Variants in ST13 observed in about 807,000 individuals in gnomAD.
ST13 encodes ST13 Hsp70 interacting protein.
ST13 carries 23 observed loss-of-function variants against 56.7 expected under a neutral mutation model. The ratio of observed to expected loss-of-function variants is 0.41; its 90% CI spans 0.29 to 0.57. The LOEUF is 0.57. Among genes scored for constraint, ST13 ranks in the 20% least tolerant of loss-of-function variants. The pLI is 0.36. For synonymous variants in ST13, 132 were observed against 142.4 expected, an observed-to-expected ratio of 0.93 and a Z score of 0.52; for missense variants, 369 against 459.9, an observed-to-expected ratio of 0.80 and a Z score of 1.81.
At chr22:40,832,144 G>A (rs768135989) in intron 8 of ST13, 8 of 469,282 alleles carry the variant, frequency 1.7e-5, no homozygotes, top group East Asian at 6.9e-5. Flanking sequence ...ATGAGCCACC[G>A]CGCCTGGCCG....
At chr22:40,832,214 C>T (rs1338256587) in intron 8 of ST13, 4 of 473,790 alleles carry the variant, frequency 8.4e-6, no homozygotes, top group Admixed American at 7.0e-5. Context: ...TGGTTGTACA[C>T]ACCTATGATA....
intron 5 of ST13, among the ~76,000 whole-genome samples, chr22:40,837,627 C>T (rs1362251466): frequency 6.6e-6 from 1 of 151,956 alleles, no homozygotes; most frequent in African/African-American, 2.4e-5. Context: ...GTCTGGGCAA[C>T]AAGACTGAAA....
At chr22:40,840,533 G>T in intron 5 of ST13, 93 bp downstream of exon 5, 1 of 1,095,612 alleles carries the variant, frequency 9.1e-7, no homozygotes, top group East Asian at 2.4e-5. Context: ...GTATAGGACA[G>T]GTACATGTAA....
At chr22:40,852,112 T>A (rs1379616096) in intron 1 of ST13, among the ~76,000 whole-genome samples, 2 of 152,230 alleles carry the variant, frequency 1.3e-5, no homozygotes, top group Admixed American at 1.3e-4. Flanking sequence ...TTTGTGGTCA[T>A]AAGGGTATGT....
At chr22:40,833,623 C>A (rs1351176726) in intron 7 of ST13, among the ~76,000 whole-genome samples, 1 of 151,544 alleles carries the variant, frequency 6.6e-6, no homozygotes, top group African/African-American at 2.4e-5. Context: ...TGCCTATTAT[C>A]CTAGCACTTT....
intron 3 of ST13, among the ~76,000 whole-genome samples, chr22:40,847,572 A>G (rs2057838783): frequency 1.3e-5 from 2 of 151,670 alleles, no homozygotes; most frequent in South Asian, 2.1e-4. Context: ...AAAAAAAAAA[A>G]AGAAAACTTT....
At chr22:40,831,199 A>T (rs1200332636) in intron 8 of ST13, among the ~76,000 whole-genome samples, 1 of 152,240 alleles carries the variant, frequency 6.6e-6, no homozygotes. Context: ...ATCTCAAACA[A>T]TTAAGCTCAA....
chr22:40,840,621 C>T lies in ST13; in HGVS notation c.382+5G>A, dbSNP rs891937283. On this transcript the variant is annotated splice_donor_5th_base_variant and intron_variant, in intron 5 of 11. Transcript: ENST00000216218. Reference sequence around the variant, plus strand: ...CCATAGAAATGTAGCAAAAAGATTACTCACCATCATTTAGGGCTTCAATAG... The same window carrying T: ...CCATAGAAATGTAGCAAAAAGATTATTCACCATCATTTAGGGCTTCAATAG... The T allele has an allele frequency of 8.1e-6, 13 of 1,607,974 alleles. No homozygotes were observed. Among genetic ancestry groups the T allele is most frequent in the Non-Finnish European group, 1.1e-5 (13 of 1,178,114 alleles).
chr22:40,835,738 ACT>A, intron 6 of ST13, 63 bp downstream of exon 6: 2 of 1,594,838 alleles, frequency 1.3e-6, no homozygotes, highest in South Asian at 1.1e-5. Context: ...CACAGAAGCA[ACT>A]CTATTTAAAC....
At chr22:40,827,443 C>G (rs1407816123) in intron 10 of ST13, among the ~76,000 whole-genome samples, 1 of 152,130 alleles carries the variant, frequency 6.6e-6, no homozygotes, top group East Asian at 1.9e-4. Flanking sequence ...TTTGCTACCT[C>G]CTGGATTAAC....
At chr22:40,844,344 C>T (rs2057820348) in intron 4 of ST13, among the ~76,000 whole-genome samples, 1 of 152,068 alleles carries the variant, frequency 6.6e-6, no homozygotes, top group African/African-American at 2.4e-5. Flanking sequence ...ACTAAGGAGC[C>T]TTTTTAGACA....
At position 40,826,492 on chromosome 22, in the gene ST13, C is replaced by T. The variant is rs776086414; in HGVS notation, c.*46G>A. ...ATTATTGCGACATCCATAAGGTGAT[C>T]TAGGTTGCTTTTCCTTCAGCAAGGG... On this transcript the variant is annotated 3_prime_UTR_variant, in exon 12 of 12. Transcript: ENST00000216218. The T allele has an allele frequency of 1.9e-6, 3 of 1,589,664 alleles. No homozygotes were observed. The highest frequency in any genetic ancestry group is 1.7e-6 in the Non-Finnish European group (2 of 1,174,808).
intron 1 of ST13, among the ~76,000 whole-genome samples, chr22:40,854,229 A>C (rs1008963037): frequency 2.0e-5 from 3 of 152,200 alleles, no homozygotes; most frequent in African/African-American, 7.2e-5. Context: ...ACAATCTCGA[A>C]CTGCAGACTG....
Position 40,844,830 on chromosome 22 carries a change from C to G in ST13, c.315+9G>C, listed in dbSNP as rs199795753. 1.9e-6 allele frequency: 3 copies of G among 1,610,856 alleles called. No individual in the cohort carries two copies. Among genetic ancestry groups the G allele is most frequent in the Admixed American group, 1.7e-5 (1 of 59,928 alleles). On this transcript the variant is annotated intron_variant, in intron 4 of 11. Transcript: ENST00000216218. ...TAGAACAAGCAGGAAATCAAGTCAC[C>G]GAACTTACCTCCGCATTTTCATCTC...
Position 40,826,322 on chromosome 22 carries a change from C to T in ST13, c.*216G>A. 1 of 372,148 alleles carries T rather than the reference C, an allele frequency of 2.7e-6. No homozygotes were observed. The highest frequency in any genetic ancestry group is 4.8e-6 in the Non-Finnish European group (1 of 208,802). The allele number at this position is 372,148 out of a possible 1,614,324, so 23.1% of individuals were successfully genotyped here. ...TAAAAAGTGTTTAAAGTTTGTAATTCCTAGTAGGAAAACATTATCTGAATG... is the reference window on the plus strand; with the variant it reads ...TAAAAAGTGTTTAAAGTTTGTAATTTCTAGTAGGAAAACATTATCTGAATG... On this transcript the variant is annotated 3_prime_UTR_variant, in exon 12 of 12. Transcript: ENST00000216218.
At chr22:40,831,819 T>C (rs1039261538) in intron 8 of ST13, among the ~76,000 whole-genome samples, 1 of 152,192 alleles carries the variant, frequency 6.6e-6, no homozygotes, top group African/African-American at 2.4e-5. Flanking sequence ...AATGTTCTAC[T>C]TTTGGGATTC....
Position 40,856,426 on chromosome 22 carries a change from C to G in ST13, c.110+5G>C, listed in dbSNP as rs1325338716. On this transcript the variant is annotated splice_donor_5th_base_variant and intron_variant, in intron 1 of 11. Transcript: ENST00000216218. ...CCCCCAACGGTCCTCAGGCCTGGGT[C>G]TCACCTCTCCACCCACTCCCTCAGG... 1 of 1,610,046 alleles carries G rather than the reference C, an allele frequency of 6.2e-7. No individual in the cohort carries two copies. Among genetic ancestry groups the G allele is most frequent in the Non-Finnish European group, 8.5e-7 (1 of 1,176,396 alleles).
chr22:40,855,571 A>G (rs919169393), intron 1 of ST13, among the ~76,000 whole-genome samples: 2 of 152,184 alleles, frequency 1.3e-5, no homozygotes, highest in East Asian at 1.9e-4. Context: ...CCCATTAGTA[A>G]TAATTTTTTA....
intron 7 of ST13, 41 bp downstream of exon 7, chr22:40,835,519 A>C (rs369899110): frequency 6.6e-7 from 1 of 1,513,648 alleles, no homozygotes; most frequent in African/African-American, 1.4e-5. Context: ...ATCAGATTTA[A>C]ATGTAAAGAG....
Sources: gnomAD v4.1 joint callset for allele counts (sites outside exome capture counted in the v4.1 genomes callset) on GRCh38, gnomAD v4.1.1 for gene constraint, MANE v1.5 for transcripts, NCBI Gene and HGNC (gene_info 2026-07-23, HGNC 2026-07-21) for gene names.